The following CDH13 variants were observed in gnomAD, a reference collection of about 807,000 sequenced individuals.
CDH13 encodes cadherin 13.
CDH13 carries 24 observed loss-of-function variants against 63.8 expected under a neutral mutation model. The ratio of observed to expected loss-of-function variants is 0.38; its 90% CI spans 0.27 to 0.53. CDH13 has a LOEUF of 0.53. Among genes scored for constraint, CDH13 ranks in the 20% least tolerant of loss-of-function variants. The pLI, the probability that CDH13 is intolerant of heterozygous loss-of-function variation, is 0.85. For synonymous variants in CDH13, 503 were observed against 355.3 expected (o/e 1.42, Z -4.67); for missense variants, 1,049 against 903.1 (o/e 1.16, Z -2.07).
intron 2 of CDH13, among the ~76,000 whole-genome samples, chr16:82,996,607 C>T (rs1045220630): frequency 6.6e-5 from 10 of 152,102 alleles, no homozygotes; most frequent in South Asian, 2.1e-4. Flanking sequence ...TTAAGTTTTA[C>T]GCCTTATAAG....
chr16:83,707,643 G>A (rs1179118493), intron 10 of CDH13, among the ~76,000 whole-genome samples: 1 of 151,990 alleles, frequency 6.6e-6, no homozygotes, highest in African/African-American at 2.4e-5. Flanking sequence ...ATAAGACAGA[G>A]ATCAGCTCTT....
At chr16:83,211,689 C>T (rs1289935083) in intron 4 of CDH13, among the ~76,000 whole-genome samples, 1 of 152,078 alleles carries the variant, frequency 6.6e-6, no homozygotes. Context: ...CTACCTGCTC[C>T]AGGCCTCAGT....
At chr16:82,977,293 C>T (rs1909648643) in intron 2 of CDH13, among the ~76,000 whole-genome samples, 1 of 152,076 alleles carries the variant, frequency 6.6e-6, no homozygotes, top group Admixed American at 6.5e-5. Context: ...CTGGGAGGCA[C>T]AGTGAGGGCC....
chr16:83,567,670 G>C (rs536664792), intron 7 of CDH13, among the ~76,000 whole-genome samples: 4 of 152,042 alleles, frequency 2.6e-5, no homozygotes, highest in Admixed American at 6.5e-5. Context: ...ATCTGGGCTC[G>C]CTGCAAGCTC....
In CDH13 at chr16:82,734,862, G is replaced by A. The variant is rs569528192; in HGVS notation, c.45+107725G>A. Among the ~76,000 whole-genome samples the A allele has an allele frequency of 2.4e-4, 37 of 152,310 alleles. 1 individual carries two copies. The highest frequency in any genetic ancestry group is 6.8e-3 in the Middle Eastern group (2 of 294). ...GGTGATTGTTGAGAAGCTGAGAGCC[G>A]AGGGCTGCCTGCTGACCGCACTCCC... On this transcript the variant is annotated intron_variant, in intron 1 of 13. Transcript: ENST00000567109.
intron 3 of CDH13, among the ~76,000 whole-genome samples, chr16:83,043,492 TG>T (rs1917506836): frequency 3.7e-5 from 1 of 27,136 alleles, no homozygotes; most frequent in African/African-American, 1.6e-4. Flanking sequence ...TATATATGAG[TG>T]TGTGTGTGTG....
In CDH13 at chr16:83,448,579, A is replaced by C. The variant is rs376374526; in HGVS notation, c.782-37898A>C. 3.9e-5 allele frequency among the ~76,000 whole-genome samples: 6 copies of C among 152,206 alleles called. No homozygotes were observed. In the East Asian group the frequency reaches 7.7e-4, roughly 20 times the overall value. On this transcript the variant is annotated intron_variant, in intron 6 of 13. Transcript: ENST00000567109. ...AGTATCTTTGGTTTAACATGAGAAG[A>C]GTGACTGGCCCTGTAAGCTTCAGCA...
At chr16:83,117,214 G>C (rs1368467339) in intron 3 of CDH13, among the ~76,000 whole-genome samples, 1 of 152,184 alleles carries the variant, frequency 6.6e-6, no homozygotes, top group African/African-American at 2.4e-5. Flanking sequence ...CCCTCTCCAT[G>C]GCCTACGTGC....
At chr16:82,647,569 G>A (rs1282318343) in intron 1 of CDH13, among the ~76,000 whole-genome samples, 1 of 152,142 alleles carries the variant, frequency 6.6e-6, no homozygotes, top group African/African-American at 2.4e-5. Context: ...TGGAATACCT[G>A]CTTCCAAGCC....
chr16:83,709,230 C>T (rs72797268), intron 10 of CDH13, among the ~76,000 whole-genome samples: 17,155 of 152,102 alleles, frequency 0.11, 1,054 homozygotes, highest in Middle Eastern at 0.18. Context: ...AGGAACACAG[C>T]CCTGCCAACA....
chr16:82,740,410 C>A lies in CDH13; in HGVS notation c.45+113273C>A, dbSNP rs114696740. On this transcript the variant is annotated intron_variant, in intron 1 of 13. Transcript: ENST00000567109. ...ATAATGTACAGCGTATTAGCCCAAC[C>A]CGCTTTCTTCAGAAGTGTCTTTAAA... Among the ~76,000 whole-genome samples, 171 of 152,296 alleles carry A rather than the reference C, an allele frequency of 1.1e-3. 1 individual carries two copies. Among genetic ancestry groups the A allele is most frequent in the African/African-American group, 3.9e-3 (161 of 41,562 alleles).
At chr16:83,281,894 C>G (rs1030136211) in intron 5 of CDH13, among the ~76,000 whole-genome samples, 1 of 152,148 alleles carries the variant, frequency 6.6e-6, no homozygotes, top group African/African-American at 2.4e-5. Context: ...ACCTCGGCAA[C>G]AGAGCGGGAC....
chr16:82,688,181 A>G (rs543054668), intron 1 of CDH13, among the ~76,000 whole-genome samples: 44 of 152,276 alleles, frequency 2.9e-4, no homozygotes, highest in Middle Eastern at 3.4e-3. Flanking sequence ...GAACCAGCCA[A>G]GAGATCTCGT....
At chr16:83,643,302 G>GA (rs1033707256) in intron 8 of CDH13, among the ~76,000 whole-genome samples, 1 of 71,756 alleles carries the variant, frequency 1.4e-5, no homozygotes, top group Non-Finnish European at 2.4e-5. Flanking sequence ...AAAAAAAAAA[G>GA]AAAAAAAAAA....
chr16:83,351,156 T>G (rs2090943435), intron 6 of CDH13, among the ~76,000 whole-genome samples: 4 of 152,190 alleles, frequency 2.6e-5, no homozygotes, highest in Non-Finnish European at 5.9e-5. Flanking sequence ...ATGTGGCTTT[T>G]CAACCCATTG....
chr16:83,761,914 A>G (rs778512598), intron 11 of CDH13, among the ~76,000 whole-genome samples: 3 of 151,584 alleles, frequency 2.0e-5, no homozygotes, highest in Non-Finnish European at 3.0e-5. Context: ...TAAAAATACA[A>G]AAATTAGCCA....
intron 10 of CDH13, chr16:83,728,804 G>A (rs1910724307): frequency 6.6e-6 from 1 of 152,224 alleles, no homozygotes; most frequent in African/African-American, 2.4e-5. Context: ...TATTGTCTTA[G>A]CTCAGGCTGC....
At chr16:83,072,300 G>A (rs186561503) in intron 3 of CDH13, among the ~76,000 whole-genome samples, 1 of 152,238 alleles carries the variant, frequency 6.6e-6, no homozygotes, top group East Asian at 1.9e-4. Flanking sequence ...GTTTGCAATC[G>A]TTTAGTTAAT....
At chr16:83,069,819 T>A (rs2032303402) in intron 3 of CDH13, among the ~76,000 whole-genome samples, 1 of 152,142 alleles carries the variant, frequency 6.6e-6, no homozygotes, top group South Asian at 2.1e-4. Context: ...AGGCTCTGTC[T>A]CTCACAAGGG....
Sources: gnomAD v4.1 joint callset for allele counts (sites outside exome capture counted in the v4.1 genomes callset) on GRCh38, gnomAD v4.1.1 for gene constraint, MANE v1.5 for transcripts, NCBI Gene and HGNC (gene_info 2026-07-23, HGNC 2026-07-21) for gene names.